The following PCGF6 variants were observed in gnomAD, a reference collection of about 807,000 sequenced individuals.
The protein encoded by PCGF6 is polycomb group ring finger 6.
In PCGF6, 24 loss-of-function variants were observed where a neutral mutation model predicts 45.5. The observed-to-expected ratio is 0.53, with a 90% CI of 0.38 to 0.74. PCGF6 has a LOEUF of 0.74. Among genes scored for constraint, PCGF6 ranks in the 30% least tolerant of loss-of-function variants. The probability of loss-of-function intolerance (pLI) is 0.00; values close to 1 mark genes in which losing one functional copy is unlikely to be tolerated. For synonymous variants in PCGF6, 152 were observed against 162.1 expected, an observed-to-expected ratio of 0.94 and a Z score of 0.47; for missense variants, 356 against 443.2, an observed-to-expected ratio of 0.80 and a Z score of 1.77.
chr10:103,336,849 T>C (rs1424171248), intron 6 of PCGF6, among the ~76,000 whole-genome samples: 1 of 152,168 alleles, frequency 6.6e-6, no homozygotes, highest in Non-Finnish European at 1.5e-5. Context: ...CACTCCAGCC[T>C]GGGTGACAGA....
chr10:103,303,139 T>C lies in PCGF6; in HGVS notation c.*766A>G, dbSNP rs2093125134. ...AACTTCTCAAATTCTCCTAAAATTTTTTATTACTTTCAGAAGCAATACTAT... is the reference window on the plus strand; with the variant it reads ...AACTTCTCAAATTCTCCTAAAATTTCTTATTACTTTCAGAAGCAATACTAT... On this transcript the variant is annotated 3_prime_UTR_variant, in exon 10 of 10. Coordinates refer to ENST00000369847, the MANE Select transcript of PCGF6 (RefSeq NM_001011663.2). 1 of 152,616 alleles carries C rather than the reference T, an allele frequency of 6.6e-6. No individual in the cohort carries two copies. Among genetic ancestry groups the C allele is most frequent in the Non-Finnish European group, 1.5e-5 (1 of 68,044 alleles). The allele number at this position is 152,616 out of a possible 1,614,324, so 9.5% of individuals were successfully genotyped here. A position where few individuals can be genotyped will look rare whatever the true frequency, so the allele number is the denominator to read the frequency against.
intron 6 of PCGF6, among the ~76,000 whole-genome samples, chr10:103,338,605 G>A (rs1448273451): frequency 6.6e-6 from 1 of 151,366 alleles, no homozygotes; most frequent in Admixed American, 6.6e-5. Flanking sequence ...AGTGGCTCAC[G>A]CCTGTAATCC....
chr10:103,338,724 C>T (rs1228637461), intron 6 of PCGF6, among the ~76,000 whole-genome samples: 2 of 151,620 alleles, frequency 1.3e-5, no homozygotes, highest in East Asian at 2.0e-4. Context: ...AAAACTTAAC[C>T]GGGCATGGTG....
intron 8 of PCGF6, among the ~76,000 whole-genome samples, chr10:103,321,974 C>T (rs1024425337): frequency 5.3e-5 from 8 of 151,412 alleles, no homozygotes; most frequent in African/African-American, 1.9e-4. Flanking sequence ...CAGCTCACTG[C>T]AACCTCCGCT....
chr10:103,305,143 T>C (rs1429493547), intron 9 of PCGF6, among the ~76,000 whole-genome samples: 2 of 118,296 alleles, frequency 1.7e-5, no homozygotes, highest in African/African-American at 5.2e-5. Context: ...CTTCAAAATT[T>C]TTTTTTTCCC....
Position 103,309,298 on chromosome 10 carries a change from T to C in PCGF6, c.996+4888A>G, listed in dbSNP as rs866798683. Among the ~76,000 whole-genome samples the C allele has an allele frequency of 6.6e-5, 10 of 152,144 alleles. No individual in the cohort carries two copies. In the Middle Eastern group the frequency reaches 0.017, roughly 259 times the overall value. On this transcript the variant is annotated intron_variant, in intron 9 of 9. Transcript: ENST00000369847. ...CCCCAATGTTGGAGGTGGGGCCTGG[T>C]GGGAGGTGATTGGATCACGGGGTTG...
At chr10:103,313,028 G>C (rs1049529688) in intron 9 of PCGF6, among the ~76,000 whole-genome samples, 26 of 152,306 alleles carry the variant, frequency 1.7e-4, no homozygotes, top group Middle Eastern at 3.4e-3. Context: ...AAATACATTA[G>C]AATATGTGGT....
chr10:103,310,268 A>C (rs1032618608), intron 9 of PCGF6, among the ~76,000 whole-genome samples: 9 of 151,764 alleles, frequency 5.9e-5, no homozygotes, highest in African/African-American at 2.2e-4. Flanking sequence ...TGTCTTAAAA[A>C]AAAAAAAAGA....
chr10:103,336,067 A>T (rs1055634203), intron 6 of PCGF6, among the ~76,000 whole-genome samples: 2 of 149,752 alleles, frequency 1.3e-5, no homozygotes, highest in African/African-American at 4.9e-5. Flanking sequence ...GGAGCTCGAG[A>T]CCAGCCTGGG....
intron 6 of PCGF6, among the ~76,000 whole-genome samples, chr10:103,341,843 C>T (rs1225878620): frequency 6.6e-6 from 1 of 152,126 alleles, no homozygotes; most frequent in East Asian, 1.9e-4. Context: ...CACATTGTCA[C>T]ATGTGTAAAA....
At chr10:103,316,193 G>A (rs1010128197) in intron 8 of PCGF6, among the ~76,000 whole-genome samples, 1 of 151,724 alleles carries the variant, frequency 6.6e-6, no homozygotes, top group Non-Finnish European at 1.5e-5. Flanking sequence ...AAGTCCTATT[G>A]CTTCTTTCTT....
At chr10:103,318,276 C>A (rs1261147385) in intron 8 of PCGF6, among the ~76,000 whole-genome samples, 1 of 150,396 alleles carries the variant, frequency 6.6e-6, no homozygotes, top group Non-Finnish European at 1.5e-5. Flanking sequence ...AACCCTGTCT[C>A]TACAAAAAAT....
chr10:103,329,625 G>A (rs887535349), intron 7 of PCGF6, among the ~76,000 whole-genome samples: 6 of 148,250 alleles, frequency 4.0e-5, no homozygotes, highest in African/African-American at 1.5e-4. Flanking sequence ...CTACAGGCGT[G>A]AGCCACCACA....
Position 103,328,362 on chromosome 10 carries a change from T to C in PCGF6, c.811-1730A>G, listed in dbSNP as rs544334589. On this transcript the variant is annotated intron_variant, in intron 7 of 9. Transcript: ENST00000369847. ...ACTAAAACTCAGAGTCTATATTAGA[T>C]AGGTATTTTATTTTTCTAGGTGTCT... Among the ~76,000 whole-genome samples the C allele has an allele frequency of 4.6e-5, 7 of 152,308 alleles. No individual in the cohort carries two copies. In the East Asian group the frequency reaches 5.8e-4, roughly 13 times the overall value.
intron 6 of PCGF6, among the ~76,000 whole-genome samples, chr10:103,334,742 A>T (rs2093250781): frequency 6.6e-6 from 1 of 152,198 alleles, no homozygotes; most frequent in Non-Finnish European, 1.5e-5. Context: ...CATGAGGGAG[A>T]CAAGGGTATC....
intron 6 of PCGF6, among the ~76,000 whole-genome samples, chr10:103,343,605 G>A (rs773606304): frequency 6.6e-6 from 1 of 151,934 alleles, no homozygotes; most frequent in Non-Finnish European, 1.5e-5. Context: ...TTGGGAGGCT[G>A]AGGTGGGTGG....
intron 7 of PCGF6, among the ~76,000 whole-genome samples, chr10:103,330,476 G>A (rs2093235949): frequency 6.6e-6 from 1 of 151,692 alleles, no homozygotes; most frequent in South Asian, 2.1e-4. Context: ...ATCGAATCTT[G>A]GCTTAGGTAT....
intron 8 of PCGF6, among the ~76,000 whole-genome samples, chr10:103,317,199 T>C (rs981567448): frequency 1.3e-5 from 2 of 151,954 alleles, no homozygotes; most frequent in Non-Finnish European, 2.9e-5. Flanking sequence ...TTAGTGGAGA[T>C]GGGATTTCCC....
At chr10:103,349,781 T>C (rs1245977534) in intron 1 of PCGF6, among the ~76,000 whole-genome samples, 1 of 150,322 alleles carries the variant, frequency 6.7e-6, no homozygotes, top group East Asian at 2.0e-4. Context: ...AGCCAAATTA[T>C]TGTTTCAAAA....
Sources: gnomAD v4.1 joint callset for allele counts (sites outside exome capture counted in the v4.1 genomes callset) on GRCh38, gnomAD v4.1.1 for gene constraint, MANE v1.5 for transcripts, NCBI Gene and HGNC (gene_info 2026-07-23, HGNC 2026-07-21) for gene names.